Variants in HEMK2 observed in about 807,000 individuals in gnomAD.
HEMK2 encodes HemK methyltransferase 2, ETF1 glutamine and histone H4 lysine.
At chr21:28,623,228 G>A in the HEMK2 span, among the ~76,000 whole-genome samples, 1 of 152,118 alleles carries the variant, frequency 6.6e-6, no homozygotes, top group African/African-American at 2.4e-5. Flanking sequence ...AAAAACATAT[G>A]AAAAAAACTC....
At chr21:28,756,521 T>C in the HEMK2 span, among the ~76,000 whole-genome samples, 8 of 152,230 alleles carry the variant, frequency 5.3e-5, no homozygotes, top group Non-Finnish European at 1.2e-4. Context: ...AGTCTCACCT[T>C]GTATTATAAA....
At chr21:28,605,064 T>C in the HEMK2 span, among the ~76,000 whole-genome samples, 28 of 152,356 alleles carry the variant, frequency 1.8e-4, no homozygotes, top group African/African-American at 6.5e-4. Flanking sequence ...CACATGTGGA[T>C]GCACTTATGT....
At chr21:28,777,245 G>A in the HEMK2 span, among the ~76,000 whole-genome samples, 1 of 152,158 alleles carries the variant, frequency 6.6e-6, no homozygotes, top group African/African-American at 2.4e-5. Flanking sequence ...CTCTATTTCA[G>A]TTTTGTCATC....
At chr21:28,603,475 T>TATAG in the HEMK2 span, among the ~76,000 whole-genome samples, 2 of 151,992 alleles carry the variant, frequency 1.3e-5, no homozygotes, top group Non-Finnish European at 2.9e-5. Context: ...TGAGGATATA[T>TATAG]ATAGATAGAT....
chr21:28,775,683 T>C, the HEMK2 span, among the ~76,000 whole-genome samples: 2 of 152,078 alleles, frequency 1.3e-5, no homozygotes, highest in African/African-American at 4.8e-5. Flanking sequence ...AGAAAGACAG[T>C]AAAAGGTACC....
At chr21:28,879,887 C>T in the HEMK2 span, 1 of 1,588,518 alleles carries the variant, frequency 6.3e-7, no homozygotes, top group African/African-American at 1.4e-5. Flanking sequence ...GGTGGAGTCA[C>T]TACATAGGGG....
the HEMK2 span, among the ~76,000 whole-genome samples, chr21:28,860,360 A>C: frequency 1.3e-5 from 2 of 151,936 alleles, no homozygotes; most frequent in Admixed American, 1.3e-4. Context: ...TGGAACTCAG[A>C]CTTGGCTCTC....
At chr21:28,671,693 T>C in the HEMK2 span, among the ~76,000 whole-genome samples, 2 of 152,296 alleles carry the variant, frequency 1.3e-5, no homozygotes, top group South Asian at 2.1e-4. Context: ...GAGTTTCGTA[T>C]AGCAATGCCA....
the HEMK2 span, among the ~76,000 whole-genome samples, chr21:28,605,269 T>G: frequency 6.6e-6 from 1 of 152,254 alleles, no homozygotes; most frequent in Admixed American, 6.5e-5. Context: ...CAGATATTAA[T>G]GCTGAGTCTC....
chr21:28,649,632 G>A, the HEMK2 span, among the ~76,000 whole-genome samples: 1 of 152,172 alleles, frequency 6.6e-6, no homozygotes, highest in African/African-American at 2.4e-5. Flanking sequence ...GATAACTGCT[G>A]GGAGAGGGTC....
At chr21:28,880,516 G>A in the HEMK2 span, among the ~76,000 whole-genome samples, 20 of 152,204 alleles carry the variant, frequency 1.3e-4, no homozygotes, top group Admixed American at 7.2e-4. Context: ...CGGATCATCC[G>A]AGCTCAGGAG....
the HEMK2 span, among the ~76,000 whole-genome samples, chr21:28,727,745 A>T: frequency 1.3e-5 from 2 of 152,220 alleles, no homozygotes; most frequent in Non-Finnish European, 2.9e-5. Context: ...TTCAAATAGG[A>T]CCACTTGTTT....
At chr21:28,823,504 G>T in the HEMK2 span, among the ~76,000 whole-genome samples, 1 of 152,094 alleles carries the variant, frequency 6.6e-6, no homozygotes, top group African/African-American at 2.4e-5. Flanking sequence ...AGTTTACATG[G>T]AATCTCTGTT....
the HEMK2 span, among the ~76,000 whole-genome samples, chr21:28,803,602 G>A: frequency 2.6e-5 from 4 of 152,082 alleles, no homozygotes; most frequent in African/African-American, 9.7e-5. Context: ...TTAATGCCCA[G>A]AAAAACACAT....
chr21:28,629,925 T>G, the HEMK2 span, among the ~76,000 whole-genome samples: 1 of 97,196 alleles, frequency 1.0e-5, no homozygotes, highest in Non-Finnish European at 1.9e-5. Flanking sequence ...TTGCTCAGTT[T>G]CTTTTTTTTT....
At chr21:28,838,967 A>T in the HEMK2 span, among the ~76,000 whole-genome samples, 3 of 55,610 alleles carry the variant, frequency 5.4e-5, no homozygotes, top group Admixed American at 4.4e-4. Flanking sequence ...AAAAAAAAAA[A>T]AAAAAATATA....
the HEMK2 span, among the ~76,000 whole-genome samples, chr21:28,860,939 C>T: frequency 1.3e-5 from 2 of 152,132 alleles, no homozygotes; most frequent in Non-Finnish European, 2.9e-5. Flanking sequence ...TGTGAATGAG[C>T]TGGAAATGCC....
the HEMK2 span, among the ~76,000 whole-genome samples, chr21:28,728,921 CAGGGAGCTGTGACTCCTGGTG>C: frequency 6.6e-6 from 1 of 152,210 alleles, no homozygotes; most frequent in Non-Finnish European, 1.5e-5. Context: ...CTCCACCCTC[CAGGGAGCTGTGACTCCTGGTG>C]AGGGGCTATT....
At chr21:28,784,882 C>T in the HEMK2 span, among the ~76,000 whole-genome samples, 1 of 152,196 alleles carries the variant, frequency 6.6e-6, no homozygotes, top group Non-Finnish European at 1.5e-5. Flanking sequence ...TGTTCTTTCA[C>T]TCTTTGCAAT....
Sources: allele counts gnomAD v4.1 joint callset (sites outside exome capture counted in the v4.1 genomes callset), GRCh38; gene constraint gnomAD v4.1.1; transcripts MANE v1.5; gene names NCBI Gene and HGNC (gene_info 2026-07-23, HGNC 2026-07-21).